Variants in MAGI2 observed in about 807,000 individuals in gnomAD.
MAGI2 encodes the protein membrane-associated guanylate kinase, WW and PDZ domain-containing protein 2.
MAGI2 carries 35 observed loss-of-function variants against 133.3 expected under a neutral mutation model. That is an observed-to-expected ratio of 0.26 (90% CI 0.20 to 0.35). The LOEUF is 0.35. Among genes scored for constraint, MAGI2 ranks in the 10% least tolerant of loss-of-function variants. The probability of loss-of-function intolerance (pLI) is 1.00; values close to 1 mark genes in which losing one functional copy is unlikely to be tolerated. For synonymous variants in MAGI2, 729 were observed against 710.6 expected, an observed-to-expected ratio of 1.03 and a Z score of -0.41; for missense variants, 1,636 against 1,863.4, an observed-to-expected ratio of 0.88 and a Z score of 2.25.
chr7:79,103,012 C>A (rs934843055), intron 1 of MAGI2, among the ~76,000 whole-genome samples: 2 of 152,154 alleles, frequency 1.3e-5, no homozygotes, highest in African/African-American at 4.8e-5. Flanking sequence ...CTGAGAGGCC[C>A]AGTCTGCCCT....
At chr7:78,120,166 G>T (rs887801865) in intron 20 of MAGI2, among the ~76,000 whole-genome samples, 5 of 152,192 alleles carry the variant, frequency 3.3e-5, no homozygotes, top group African/African-American at 1.2e-4. Flanking sequence ...ACTTTGGAAG[G>T]CCGAGGTGGG....
At chr7:78,854,842 C>T (rs1259254144) in intron 2 of MAGI2, among the ~76,000 whole-genome samples, 1 of 144,504 alleles carries the variant, frequency 6.9e-6, no homozygotes, top group East Asian at 2.1e-4. Flanking sequence ...CAACATTCTA[C>T]TAGTGATGCA....
intron 20 of MAGI2, among the ~76,000 whole-genome samples, chr7:78,084,937 G>C (rs142990907): frequency 4.6e-5 from 7 of 152,280 alleles, no homozygotes; most frequent in African/African-American, 1.4e-4. Context: ...GGGTTACACT[G>C]AATGTTTTCA....
chr7:78,110,207 C>T (rs1819214279), intron 20 of MAGI2, among the ~76,000 whole-genome samples: 1 of 152,188 alleles, frequency 6.6e-6, no homozygotes, highest in Non-Finnish European at 1.5e-5. Flanking sequence ...TACATCTGCC[C>T]TTAACTTCCC....
At chr7:78,210,905 T>G (rs1021771066) in intron 10 of MAGI2, among the ~76,000 whole-genome samples, 1 of 151,976 alleles carries the variant, frequency 6.6e-6, no homozygotes, top group African/African-American at 2.4e-5. Flanking sequence ...CAGATTGCAG[T>G]GGGTTTGAAG....
At chr7:78,719,073 G>T (rs1820003373) in intron 2 of MAGI2, among the ~76,000 whole-genome samples, 1 of 152,154 alleles carries the variant, frequency 6.6e-6, no homozygotes, top group African/African-American at 2.4e-5. Flanking sequence ...GGGGAAAATA[G>T]GATGAATATC....
At chr7:78,441,663 A>AC (rs1295183476) in intron 6 of MAGI2, among the ~76,000 whole-genome samples, 5 of 151,400 alleles carry the variant, frequency 3.3e-5, no homozygotes, top group Admixed American at 6.6e-5. Context: ...GGAAAAAAAA[A>AC]AGAAAGAAAA....
At chr7:78,040,122 G>C (rs1281116081) in intron 21 of MAGI2, among the ~76,000 whole-genome samples, 7 of 151,390 alleles carry the variant, frequency 4.6e-5, no homozygotes, top group African/African-American at 1.5e-4. Context: ...ATAATAATTC[G>C]TGCAAATAGG....
At chr7:79,308,739 A>G (rs1325890111) in intron 1 of MAGI2, among the ~76,000 whole-genome samples, 1 of 152,200 alleles carries the variant, frequency 6.6e-6, no homozygotes, top group South Asian at 2.1e-4. Context: ...TCTCATTTCT[A>G]TTGGGCATTT....
At chr7:78,514,510 A>C (rs934552854) in intron 4 of MAGI2, among the ~76,000 whole-genome samples, 3 of 152,190 alleles carry the variant, frequency 2.0e-5, no homozygotes, top group African/African-American at 7.2e-5. Flanking sequence ...CAATGGAGAG[A>C]TAAAACCCAG....
intron 1 of MAGI2, among the ~76,000 whole-genome samples, chr7:79,014,520 A>G (rs1808495429): frequency 6.6e-6 from 1 of 152,282 alleles, no homozygotes; most frequent in African/African-American, 2.4e-5. Context: ...TAACTCTTAC[A>G]AATTAGATGT....
At chr7:78,242,722 G>A (rs1399014986) in intron 10 of MAGI2, among the ~76,000 whole-genome samples, 1 of 151,996 alleles carries the variant, frequency 6.6e-6, no homozygotes, top group African/African-American at 2.4e-5. Context: ...GCTTAAATCT[G>A]TTTTGATAAC....
At chr7:78,093,365 A>G (rs768001474) in intron 20 of MAGI2, among the ~76,000 whole-genome samples, 16 of 151,844 alleles carry the variant, frequency 1.1e-4, no homozygotes, top group Admixed American at 2.0e-4. Flanking sequence ...GAGGCAGGAG[A>G]ATTGCTTGAA....
chr7:78,246,586 CTG>C (rs1423023975), intron 10 of MAGI2, among the ~76,000 whole-genome samples: 1 of 152,118 alleles, frequency 6.6e-6, no homozygotes, highest in Non-Finnish European at 1.5e-5. Flanking sequence ...AAAGTCATCT[CTG>C]TGCTGCTCCC....
chr7:79,330,759 C>T (rs886420683), intron 1 of MAGI2, among the ~76,000 whole-genome samples: 1 of 151,914 alleles, frequency 6.6e-6, no homozygotes, highest in Non-Finnish European at 1.5e-5. Flanking sequence ...TTAAATTATA[C>T]ATAATATATA....
At chr7:78,959,523 G>A (rs1384847410) in intron 2 of MAGI2, among the ~76,000 whole-genome samples, 1 of 152,126 alleles carries the variant, frequency 6.6e-6, no homozygotes, top group Non-Finnish European at 1.5e-5. Flanking sequence ...ACCTGTCAAT[G>A]AGTGTTTAGG....
intron 1 of MAGI2, among the ~76,000 whole-genome samples, chr7:79,408,805 G>T (rs547680119): frequency 6.6e-6 from 1 of 152,102 alleles, no homozygotes; most frequent in African/African-American, 2.4e-5. Context: ...ATTCATATAA[G>T]GGTTTAAGAT....
chr7:78,988,466 T>TTTCAACA lies in MAGI2; in HGVS notation c.418+18617_418+18623dup, dbSNP rs1441052687. On this transcript the variant is annotated intron_variant, in intron 2 of 21. Coordinates refer to ENST00000354212, the MANE Select transcript of MAGI2 (RefSeq NM_012301.4). ...ACCAAAATCCAGGAAAAAGCAGCTA[T>TTTCAACA]TTCAACATGGAAGGTTCATTTTAAA... Among the ~76,000 whole-genome samples the TTTCAACA allele has an allele frequency of 1.1e-4, 17 of 152,166 alleles. No homozygotes were observed. In the East Asian group the frequency reaches 3.3e-3, roughly 30 times the overall value.
chr7:78,797,750 C>A (rs1452950134), intron 2 of MAGI2, among the ~76,000 whole-genome samples: 1 of 152,060 alleles, frequency 6.6e-6, no homozygotes, highest in South Asian at 2.1e-4. Context: ...TCTAAGGAGA[C>A]AACTGCCAAG....
Sources: allele counts gnomAD v4.1 joint callset (sites outside exome capture counted in the v4.1 genomes callset), GRCh38; gene constraint gnomAD v4.1.1; transcripts MANE v1.5; gene names NCBI Gene and HGNC (gene_info 2026-07-23, HGNC 2026-07-21).